DCDC1: variants seen among roughly 807,000 people sequenced by gnomAD.
DCDC1 encodes the protein doublecortin domain containing 1, also known as doublecortin domain-containing protein 1.
Under a neutral mutation model 178.3 loss-of-function variants are expected in DCDC1, and 200 were observed. The ratio of observed to expected loss-of-function variants is 1.12; its 90% CI spans 1.00 to 1.26. DCDC1 has a LOEUF of 1.26. Among genes scored for constraint, DCDC1 ranks in the 50% most tolerant of loss-of-function variants. The pLI is 0.00. For missense variants in DCDC1, 1,983 were observed against 1,749.2 expected (o/e 1.13, Z -2.38); for synonymous variants, 690 against 604.8 (o/e 1.14, Z -2.07).
intron 21 of DCDC1, among the ~76,000 whole-genome samples, chr11:30,944,849 T>C (rs1947902415): frequency 6.6e-6 from 1 of 151,810 alleles, no homozygotes; most frequent in South Asian, 2.1e-4. Flanking sequence ...ATTTATCTAC[T>C]CCACACAAAA....
chr11:31,357,521 T>C (rs986137594), intron 1 of DCDC1, among the ~76,000 whole-genome samples: 13 of 152,204 alleles, frequency 8.5e-5, no homozygotes, highest in South Asian at 2.1e-4. Context: ...CCTTTGAAAA[T>C]TGGCACAAGA....
intron 1 of DCDC1, among the ~76,000 whole-genome samples, chr11:31,366,567 T>C (rs1198524128): frequency 2.6e-5 from 4 of 152,220 alleles, no homozygotes; most frequent in African/African-American, 7.2e-5. Flanking sequence ...CAGGGATTAC[T>C]CTGATAGGAG....
In DCDC1 at chr11:31,327,192, G is replaced by C. The variant is rs988718736; in HGVS notation, c.164+925C>G. Among the ~76,000 whole-genome samples, 4 of 152,214 alleles carry C rather than the reference G, an allele frequency of 2.6e-5. No homozygotes were observed. The East Asian group carries it at 7.7e-4, about 29-fold the overall frequency. On this transcript the variant is annotated intron_variant, in intron 3 of 38. Coordinates refer to ENST00000684477, the MANE Select transcript of DCDC1 (RefSeq NM_001387274.1). ...TTTGTTTTGTTTTGTTTTTTAGACA[G>C]AGTTTCGCTCTTGTTACCCAGGCTG...
chr11:31,214,364 CA>C (rs776724255), intron 9 of DCDC1, among the ~76,000 whole-genome samples: 7 of 152,006 alleles, frequency 4.6e-5, no homozygotes, highest in Non-Finnish European at 7.4e-5. Flanking sequence ...AACTACATTT[CA>C]AAATGTATAA....
chr11:30,906,601 G>A lies in DCDC1; in HGVS notation c.4043C>T (p.Ser1348Leu). The change falls in exon 30 of 39, where the codon TCA becomes TTA. Residue 1348 changes from serine to leucine, a missense_variant. Transcript: ENST00000684477. ...LLPGVPFLCI[S>L]GTKTQKPFLQ... is the part of the protein sequence containing the mutation. The stretch of plus-strand genomic sequence containing the variant: ...GAAGGGCTTCTGAGTCTTGGTGCCT[G>A]AAATACAGAGGAATGGAACCCCTGG... 6.2e-7 allele frequency: 1 copy of A among 1,613,356 alleles called. No homozygotes were observed. Among genetic ancestry groups the A allele is most frequent in the East Asian group, 2.2e-5 (1 of 44,824 alleles).
intron 21 of DCDC1, among the ~76,000 whole-genome samples, chr11:30,932,471 A>G (rs1406462492): frequency 1.3e-5 from 2 of 152,216 alleles, no homozygotes; most frequent in African/African-American, 4.8e-5. Flanking sequence ...CAATTTATCC[A>G]TAAAATCATT....
intron 9 of DCDC1, among the ~76,000 whole-genome samples, chr11:31,214,269 G>T (rs1178957411): frequency 2.6e-5 from 4 of 152,086 alleles, no homozygotes; most frequent in Non-Finnish European, 5.9e-5. Flanking sequence ...TTACCGAGAT[G>T]AAAATCTTGG....
intron 9 of DCDC1, among the ~76,000 whole-genome samples, chr11:31,171,716 T>G (rs1461731214): frequency 6.6e-6 from 1 of 152,218 alleles, no homozygotes; most frequent in East Asian, 1.9e-4. Flanking sequence ...ACCAGGGACT[T>G]TGTAGTATAA....
chr11:31,124,090 C>A (rs1961218612), intron 11 of DCDC1, among the ~76,000 whole-genome samples: 1 of 152,030 alleles, frequency 6.6e-6, no homozygotes, highest in Non-Finnish European at 1.5e-5. Flanking sequence ...GCATCCTTGT[C>A]TTGTACCAGT....
intron 8 of DCDC1, among the ~76,000 whole-genome samples, chr11:31,242,009 T>C (rs1447863536): frequency 6.6e-6 from 1 of 151,998 alleles, no homozygotes; most frequent in Non-Finnish European, 1.5e-5. Context: ...ACATAGCTTC[T>C]TGTAGAGCAC....
At chr11:31,113,723 T>TC (rs905689631) in intron 11 of DCDC1, among the ~76,000 whole-genome samples, 1 of 152,118 alleles carries the variant, frequency 6.6e-6, no homozygotes, top group Non-Finnish European at 1.5e-5. Context: ...AACCCCATCG[T>TC]CTGTAACATC....
chr11:31,332,119 T>C (rs1305773715), intron 2 of DCDC1, among the ~76,000 whole-genome samples: 3 of 152,232 alleles, frequency 2.0e-5, no homozygotes, highest in Admixed American at 6.5e-5. Flanking sequence ...AGGGTGTATG[T>C]ATCCAGGAAT....
At chr11:31,178,760 T>G (rs1467753118) in intron 9 of DCDC1, among the ~76,000 whole-genome samples, 1 of 152,144 alleles carries the variant, frequency 6.6e-6, no homozygotes, top group Non-Finnish European at 1.5e-5. Context: ...TGGCGCGATC[T>G]CAGCTCACCA....
intron 9 of DCDC1, among the ~76,000 whole-genome samples, chr11:31,213,139 C>CTCTCTT (rs1972934124): frequency 4.3e-5 from 6 of 140,394 alleles, no homozygotes; most frequent in Non-Finnish European, 7.7e-5. Context: ...CTCTCTCTCT[C>CTCTCTT]TCTCTCTCTC....
At chr11:31,120,592 A>G (rs1401383525) in intron 11 of DCDC1, among the ~76,000 whole-genome samples, 1 of 152,172 alleles carries the variant, frequency 6.6e-6, no homozygotes, top group Non-Finnish European at 1.5e-5. Context: ...GACAAGCTCT[A>G]GGTCCCACAG....
intron 20 of DCDC1, among the ~76,000 whole-genome samples, chr11:30,957,406 A>C (rs1346683009): frequency 6.6e-6 from 1 of 152,134 alleles, no homozygotes; most frequent in Non-Finnish European, 1.5e-5. Flanking sequence ...ACTCCAATGA[A>C]ACTGCCTCAT....
At chr11:31,254,503 A>G (rs907387872) in intron 8 of DCDC1, among the ~76,000 whole-genome samples, 1 of 152,250 alleles carries the variant, frequency 6.6e-6, no homozygotes, top group Non-Finnish European at 1.5e-5. Flanking sequence ...AATAGTGAAT[A>G]ACAATTATGT....
At chr11:31,267,597 G>C (rs377194661) in intron 7 of DCDC1, among the ~76,000 whole-genome samples, 1 of 152,150 alleles carries the variant, frequency 6.6e-6, no homozygotes, top group East Asian at 1.9e-4. Flanking sequence ...AACAACCCTG[G>C]TGATTCTCTA....
chr11:30,931,630 A>G, intron 22 of DCDC1, 141 bp downstream of exon 22: 1 of 836,782 alleles, frequency 1.2e-6, no homozygotes, highest in Non-Finnish European at 1.8e-6. Flanking sequence ...CCTAGTCTCT[A>G]TTTTCATCTT....
Sources: allele counts gnomAD v4.1 joint callset (sites outside exome capture counted in the v4.1 genomes callset), GRCh38; gene constraint gnomAD v4.1.1; transcripts MANE v1.5; gene names NCBI Gene and HGNC (gene_info 2026-07-23, HGNC 2026-07-21).